The following GPC5 variants were observed in gnomAD, a reference collection of about 807,000 sequenced individuals.
GPC5 encodes the protein glypican 5.
GPC5 carries 47 observed loss-of-function variants against 53.9 expected under a neutral mutation model. The ratio of observed to expected loss-of-function variants is 0.87; its 90% CI spans 0.69 to 1.11. GPC5 has a LOEUF of 1.11. GPC5 is among the 50% of genes most tolerant of loss of function. The probability of loss-of-function intolerance (pLI) is 0.00; values close to 1 mark genes in which losing one functional copy is unlikely to be tolerated. For missense variants in GPC5, 748 were observed against 713.1 expected (o/e 1.05, Z -0.56); for synonymous variants, 286 against 263.3 (o/e 1.09, Z -0.84).
intron 7 of GPC5, among the ~76,000 whole-genome samples, chr13:92,569,773 T>TA (rs1207837132): frequency 2.6e-5 from 4 of 152,160 alleles, no homozygotes; most frequent in Admixed American, 6.6e-5. Flanking sequence ...GCCTTTTCCT[T>TA]AAAAAAATTC....
chr13:91,506,890 A>G (rs1215347715), intron 2 of GPC5, among the ~76,000 whole-genome samples: 3 of 152,160 alleles, frequency 2.0e-5, no homozygotes, highest in Non-Finnish European at 4.4e-5. Flanking sequence ...AAGTTTAAAT[A>G]CTATTATAAA....
chr13:91,487,804 C>T (rs549567365), intron 2 of GPC5, among the ~76,000 whole-genome samples: 31 of 152,222 alleles, frequency 2.0e-4, no homozygotes, highest in Non-Finnish European at 3.1e-4. Context: ...GCCCCATTTT[C>T]GGTCCTTGTT....
intron 5 of GPC5, among the ~76,000 whole-genome samples, chr13:91,906,885 T>A (rs1297361294): frequency 6.6e-6 from 1 of 151,816 alleles, no homozygotes; most frequent in African/African-American, 2.4e-5. Context: ...TTCCTCTACT[T>A]AGAAAATATT....
intron 2 of GPC5, among the ~76,000 whole-genome samples, chr13:91,598,178 G>A (rs1170396974): frequency 6.6e-6 from 1 of 151,998 alleles, no homozygotes; most frequent in African/African-American, 2.4e-5. Flanking sequence ...TATGAATGAT[G>A]GTAAAGATTT....
intron 5 of GPC5, among the ~76,000 whole-genome samples, chr13:91,803,543 G>C (rs1401237495): frequency 1.3e-5 from 2 of 152,018 alleles, no homozygotes; most frequent in Non-Finnish European, 2.9e-5. Context: ...TAAAAAAGTT[G>C]CTCTCCACAA....
intron 5 of GPC5, among the ~76,000 whole-genome samples, chr13:91,904,721 G>T (rs969461383): frequency 2.0e-5 from 3 of 152,072 alleles, no homozygotes; most frequent in Non-Finnish European, 4.4e-5. Flanking sequence ...AAATTCCTAT[G>T]AGAGAAAATG....
chr13:92,088,785 T>G (rs1483130114), intron 6 of GPC5, among the ~76,000 whole-genome samples: 1 of 152,220 alleles, frequency 6.6e-6, no homozygotes, highest in African/African-American at 2.4e-5. Flanking sequence ...TTATCTTTAA[T>G]CTTCACTGTA....
chr13:91,592,756 A>G (rs2032848575), intron 2 of GPC5, among the ~76,000 whole-genome samples: 1 of 152,158 alleles, frequency 6.6e-6, no homozygotes, highest in Admixed American at 6.5e-5. Context: ...TGGAAACATA[A>G]TCAGGTGCAG....
intron 2 of GPC5, among the ~76,000 whole-genome samples, chr13:91,639,229 C>A (rs1418381988): frequency 6.6e-6 from 1 of 152,062 alleles, no homozygotes; most frequent in African/African-American, 2.4e-5. Flanking sequence ...TTGAGTTGGG[C>A]AAGATGTTTT....
intron 7 of GPC5, among the ~76,000 whole-genome samples, chr13:92,606,822 C>T (rs913250348): frequency 1.3e-5 from 2 of 152,034 alleles, no homozygotes; most frequent in East Asian, 1.9e-4. Context: ...GTATGACTGC[C>T]GTCTTGACCA....
intron 7 of GPC5, chr13:92,709,401 C>T (rs539361135): frequency 1.3e-5 from 2 of 152,054 alleles, no homozygotes; most frequent in Non-Finnish European, 2.9e-5. Flanking sequence ...CATTAATGTC[C>T]ACACACAACT....
chr13:91,980,881 C>A (rs917267576), intron 6 of GPC5, among the ~76,000 whole-genome samples: 2 of 152,094 alleles, frequency 1.3e-5, no homozygotes, highest in Non-Finnish European at 2.9e-5. Flanking sequence ...TGTCTTTCAC[C>A]CCAAATTATA....
intron 2 of GPC5, among the ~76,000 whole-genome samples, chr13:91,569,693 C>A (rs190783765): frequency 6.6e-6 from 1 of 152,064 alleles, no homozygotes; most frequent in African/African-American, 2.4e-5. Context: ...CGAGGTGAGG[C>A]CTGTTGGGAA....
rs567047769 is a variant in GPC5 at position 91,965,559 on chromosome 13, A to G, written c.1401+57502A>G. 1.8e-4 allele frequency among the ~76,000 whole-genome samples: 27 copies of G among 152,330 alleles called. No individual in the cohort carries two copies. The South Asian group carries it at 5.2e-3, about 29-fold the overall frequency. On this transcript the variant is annotated intron_variant, in intron 6 of 7. Transcript: ENST00000377067. ...TATCTTCAGATTCATTTAAAGAAGA[A>G]AAGGACACATTTGCTAAGAGTGTAA...
chr13:91,688,823 T>G (rs1276710779), intron 2 of GPC5, among the ~76,000 whole-genome samples: 2 of 152,026 alleles, frequency 1.3e-5, no homozygotes, highest in Admixed American at 6.6e-5. Context: ...GCGTTTGTAA[T>G]GCACTGGTAA....
chr13:92,790,058 A>G (rs1316653852), intron 7 of GPC5, among the ~76,000 whole-genome samples: 1 of 152,188 alleles, frequency 6.6e-6, no homozygotes, highest in Non-Finnish European at 1.5e-5. Context: ...TAGAAGATTC[A>G]GCAAGTCAAG....
chr13:91,526,453 GA>G (rs1211322445), intron 2 of GPC5, among the ~76,000 whole-genome samples: 1 of 152,080 alleles, frequency 6.6e-6, no homozygotes, highest in Non-Finnish European at 1.5e-5. Context: ...TCCAAGATAA[GA>G]AAAAACAGGT....
chr13:91,849,695 G>T (rs1646089498), intron 5 of GPC5, among the ~76,000 whole-genome samples: 1 of 151,986 alleles, frequency 6.6e-6, no homozygotes. Flanking sequence ...CCTTCAAATG[G>T]CTATTGAGCT....
intron 6 of GPC5, among the ~76,000 whole-genome samples, chr13:92,132,674 T>G (rs926098879): frequency 1.3e-5 from 2 of 152,116 alleles, no homozygotes; most frequent in African/African-American, 4.8e-5. Flanking sequence ...AATATTGGAT[T>G]AGGGCCCACC....
Sources: allele counts gnomAD v4.1 joint callset (sites outside exome capture counted in the v4.1 genomes callset), GRCh38; gene constraint gnomAD v4.1.1; transcripts MANE v1.5; gene names NCBI Gene and HGNC (gene_info 2026-07-23, HGNC 2026-07-21).